Variants in ETV6 observed in about 807,000 individuals in gnomAD.
ETV6 encodes ETS variant transcription factor 6, also known as transcription factor ETV6.
Under a neutral mutation model 51.1 loss-of-function variants are expected in ETV6, and 16 were observed. The ratio of observed to expected loss-of-function variants is 0.31; its 90% CI spans 0.21 to 0.48. ETV6 has a LOEUF of 0.48. Among genes scored for constraint, ETV6 ranks in the 20% least tolerant of loss-of-function variants. The pLI is 0.99. For synonymous variants in ETV6, 240 were observed against 224.1 expected (o/e 1.07, Z -0.64); for missense variants, 458 against 594.8 (o/e 0.77, Z 2.39).
At chr12:11,877,225 G>T (rs184221053) in intron 5 of ETV6, among the ~76,000 whole-genome samples, 1 of 152,230 alleles carries the variant, frequency 6.6e-6, no homozygotes, top group East Asian at 1.9e-4. Flanking sequence ...ACTGTATTCT[G>T]GCATCTTGCT....
At chr12:11,855,311 C>T (rs1946616412) in intron 4 of ETV6, among the ~76,000 whole-genome samples, 1 of 151,932 alleles carries the variant, frequency 6.6e-6, no homozygotes, top group Non-Finnish European at 1.5e-5. Flanking sequence ...GTCTCAAAAA[C>T]ACCAAACCAA....
intron 4 of ETV6, among the ~76,000 whole-genome samples, chr12:11,865,155 G>A (rs1305486878): frequency 6.6e-6 from 1 of 151,622 alleles, no homozygotes; most frequent in African/African-American, 2.4e-5. Flanking sequence ...GGAGGCTGAG[G>A]CAGGAGAATG....
intron 7 of ETV6, among the ~76,000 whole-genome samples, chr12:11,889,241 A>G (rs1454940892): frequency 6.6e-6 from 1 of 152,210 alleles, no homozygotes; most frequent in African/African-American, 2.4e-5. Context: ...GCTACAGATC[A>G]TACTGCTGGA....
intron 1 of ETV6, among the ~76,000 whole-genome samples, chr12:11,739,351 C>T (rs537787349): frequency 1.3e-3 from 191 of 152,340 alleles, no homozygotes; most frequent in African/African-American, 4.5e-3. Flanking sequence ...GTGGCCCCCA[C>T]TCATCCCTGT....
chr12:11,817,144 C>T (rs1257604831), intron 2 of ETV6, among the ~76,000 whole-genome samples: 1 of 152,204 alleles, frequency 6.6e-6, no homozygotes, highest in Non-Finnish European at 1.5e-5. Flanking sequence ...CTCCTCTGAC[C>T]ATGTCTGCAT....
chr12:11,859,106 G>A (rs969194845), intron 4 of ETV6, among the ~76,000 whole-genome samples: 4 of 126,326 alleles, frequency 3.2e-5, no homozygotes, highest in African/African-American at 1.2e-4. Context: ...AGAAGATGAG[G>A]TATATGAATC....
chr12:11,653,048 G>C (rs887416796), intron 1 of ETV6, among the ~76,000 whole-genome samples: 3 of 151,816 alleles, frequency 2.0e-5, no homozygotes, highest in Admixed American at 2.0e-4. Context: ...AGCACTCCTG[G>C]GGGGGTCTGT....
At position 11,893,460 on chromosome 12, in the gene ETV6, C is replaced by A. The variant is rs965352198; in HGVS notation, c.*2414C>A. The A allele has an allele frequency of 4.8e-5, 11 of 231,552 alleles. No homozygotes were observed. In the East Asian group the frequency reaches 4.9e-4, roughly 10 times the overall value. The allele number at this position is 231,552 out of a possible 1,614,324, so 14.3% of individuals were successfully genotyped here. A position where few individuals can be genotyped will look rare whatever the true frequency, so the allele number is the denominator to read the frequency against. ...AGAATATGTTAGACTTAGGATGATA[C>A]CTTCAGCCACTTGAAGAAGAAATAG... On this transcript the variant is annotated 3_prime_UTR_variant, in exon 8 of 8. Coordinates refer to ENST00000396373, the MANE Select transcript of ETV6 (RefSeq NM_001987.5).
chr12:11,838,677 G>A (rs1000798967), intron 2 of ETV6, among the ~76,000 whole-genome samples: 1 of 152,144 alleles, frequency 6.6e-6, no homozygotes, highest in African/African-American at 2.4e-5. Flanking sequence ...TCAGAAGGAC[G>A]CTGGGCTGCA....
At chr12:11,692,380 C>A (rs542963967) in intron 1 of ETV6, among the ~76,000 whole-genome samples, 4 of 152,218 alleles carry the variant, frequency 2.6e-5, no homozygotes, top group Non-Finnish European at 5.9e-5. Context: ...AATTTCATTT[C>A]TTTGTAAATT....
At chr12:11,877,408 GC>G (rs567580181) in intron 5 of ETV6, among the ~76,000 whole-genome samples, 172 of 152,266 alleles carry the variant, frequency 1.1e-3, no homozygotes, top group Non-Finnish European at 2.0e-3. Flanking sequence ...AGTGCTGGGG[GC>G]AAGTCTCAGC....
At chr12:11,864,615 G>C (rs959063116) in intron 4 of ETV6, among the ~76,000 whole-genome samples, 2 of 152,102 alleles carry the variant, frequency 1.3e-5, no homozygotes, top group African/African-American at 4.8e-5. Flanking sequence ...TCTATAAAAG[G>C]AAAGTTTGCC....
At chr12:11,700,261 A>G (rs1864954034) in intron 1 of ETV6, among the ~76,000 whole-genome samples, 1 of 152,236 alleles carries the variant, frequency 6.6e-6, no homozygotes. Flanking sequence ...TGGGGGTACA[A>G]GTGCAGTTTT....
In ETV6 at chr12:11,788,063, T is replaced by C. The variant is rs77910913; in HGVS notation, c.163+35484T>C. ...GTCCAGCCCTCATCCATCATGCCTT[T>C]CCCTCCAACAAAGCAAGAATCTCTT... On this transcript the variant is annotated intron_variant, in intron 2 of 7. Coordinates refer to ENST00000396373, the MANE Select transcript of ETV6 (RefSeq NM_001987.5). Among the ~76,000 whole-genome samples, 5 of 152,214 alleles carry C rather than the reference T, an allele frequency of 3.3e-5. No individual in the cohort carries two copies. In the East Asian group the frequency reaches 9.6e-4, roughly 29 times the overall value.
At chr12:11,803,706 T>C (rs1945785616) in intron 2 of ETV6, among the ~76,000 whole-genome samples, 1 of 152,224 alleles carries the variant, frequency 6.6e-6, no homozygotes, top group African/African-American at 2.4e-5. Context: ...GTTTAAATTT[T>C]TTGCAACATG....
intron 1 of ETV6, among the ~76,000 whole-genome samples, chr12:11,684,373 T>C (rs1864588467): frequency 6.6e-6 from 1 of 152,250 alleles, no homozygotes; most frequent in African/African-American, 2.4e-5. Context: ...TTTTTTCCTT[T>C]AATATTTTGC....
At chr12:11,868,926 G>T (rs1465209884) in intron 4 of ETV6, among the ~76,000 whole-genome samples, 5 of 152,020 alleles carry the variant, frequency 3.3e-5, no homozygotes, top group Non-Finnish European at 5.9e-5. Flanking sequence ...TCTGGCAATA[G>T]AAAAATAGTT....
chr12:11,745,396 A>G (rs1269552693), intron 1 of ETV6, among the ~76,000 whole-genome samples: 3 of 152,246 alleles, frequency 2.0e-5, no homozygotes, highest in Non-Finnish European at 4.4e-5. Flanking sequence ...CCTTCCTTCT[A>G]GTGCATCGGT....
intron 2 of ETV6, among the ~76,000 whole-genome samples, chr12:11,754,098 A>G (rs533278479): frequency 6.6e-6 from 1 of 152,224 alleles, no homozygotes; most frequent in Non-Finnish European, 1.5e-5. Context: ...CCTGTGACCG[A>G]TATATTCACT....
Sources: gnomAD v4.1 joint callset for allele counts (sites outside exome capture counted in the v4.1 genomes callset) on GRCh38, gnomAD v4.1.1 for gene constraint, MANE v1.5 for transcripts, NCBI Gene and HGNC (gene_info 2026-07-23, HGNC 2026-07-21) for gene names.